ZDHHC2: variants seen among roughly 807,000 people sequenced by gnomAD.
ZDHHC2 encodes the protein palmitoyltransferase ZDHHC2.
Under a neutral mutation model 55.6 loss-of-function variants are expected in ZDHHC2, and 51 were observed. The ratio of observed to expected loss-of-function variants is 0.92; its 90% CI spans 0.73 to 1.16. The LOEUF (loss-of-function observed/expected upper bound fraction) is 1.16. Ranked by LOEUF, ZDHHC2 falls within the 50% of genes most tolerant of loss-of-function variation. The pLI is 0.00. For synonymous variants in ZDHHC2, 199 were observed against 152.9 expected, an observed-to-expected ratio of 1.30 and a Z score of -2.22; for missense variants, 491 against 442.4, an observed-to-expected ratio of 1.11 and a Z score of -0.99.
At position 17,159,293 on chromosome 8, in the gene ZDHHC2, G is replaced by C. The variant is rs117592006; in HGVS notation, c.130+2440G>C. Among the ~76,000 whole-genome samples, 63 of 152,296 alleles carry C rather than the reference G, an allele frequency of 4.1e-4. 2 individuals carry two copies. In the East Asian group the frequency reaches 0.011, roughly 27 times the overall value. ...TCTTGGAAGTTGCCATTTACAAGCAGATTTTCCAAATTTCTTCCATAAAAC... is the reference window on the plus strand; with the variant it reads ...TCTTGGAAGTTGCCATTTACAAGCACATTTTCCAAATTTCTTCCATAAAAC... On this transcript the variant is annotated intron_variant, in intron 1 of 12. Transcript: ENST00000262096.
chr8:17,206,025 C>T (rs1807086750), intron 7 of ZDHHC2, among the ~76,000 whole-genome samples: 1 of 152,192 alleles, frequency 6.6e-6, no homozygotes, highest in Non-Finnish European at 1.5e-5. Context: ...TGCCCCCATG[C>T]CCATTCCCAG....
intron 1 of ZDHHC2, among the ~76,000 whole-genome samples, chr8:17,177,395 A>T (rs1466206146): frequency 6.6e-6 from 1 of 152,230 alleles, no homozygotes; most frequent in Non-Finnish European, 1.5e-5. Flanking sequence ...CAGGGGACAG[A>T]CTTTGTTGGG....
chr8:17,157,848 G>C (rs1441602863), intron 1 of ZDHHC2, among the ~76,000 whole-genome samples: 3 of 152,180 alleles, frequency 2.0e-5, no homozygotes. Flanking sequence ...CGAGGGAAAA[G>C]ATGAAATAGT....
intron 1 of ZDHHC2, among the ~76,000 whole-genome samples, chr8:17,162,071 T>G (rs1372736127): frequency 6.6e-6 from 1 of 152,146 alleles, no homozygotes; most frequent in East Asian, 1.9e-4. Flanking sequence ...CCATTTTACT[T>G]TAATATAAAT....
chr8:17,218,560 A>G (rs1807755822), intron 12 of ZDHHC2, among the ~76,000 whole-genome samples: 1 of 152,188 alleles, frequency 6.6e-6, no homozygotes, highest in Non-Finnish European at 1.5e-5. Context: ...TATTGTGGTT[A>G]TTTATCTCCA....
intron 3 of ZDHHC2, among the ~76,000 whole-genome samples, chr8:17,192,203 C>G (rs1806070811): frequency 6.6e-6 from 1 of 152,104 alleles, no homozygotes; most frequent in Admixed American, 6.5e-5. Context: ...CTAGGCTGGC[C>G]TCAGACTCCT....
chr8:17,200,047 G>C (rs1806666795), intron 6 of ZDHHC2, among the ~76,000 whole-genome samples: 1 of 152,138 alleles, frequency 6.6e-6, no homozygotes, highest in Admixed American at 6.5e-5. Flanking sequence ...GAGCCACCAT[G>C]CCTGGCCAAC....
intron 1 of ZDHHC2, among the ~76,000 whole-genome samples, chr8:17,183,908 T>TA (rs1339774676): frequency 6.6e-6 from 1 of 152,058 alleles, no homozygotes; most frequent in Non-Finnish European, 1.5e-5. Flanking sequence ...TGAGCAATCT[T>TA]AAAAATTTCT....
chr8:17,193,625 G>T (rs1001074460), intron 3 of ZDHHC2, among the ~76,000 whole-genome samples: 1 of 152,234 alleles, frequency 6.6e-6, no homozygotes, highest in African/African-American at 2.4e-5. Flanking sequence ...TCCCTTCAGG[G>T]TAGAGAGTTT....
In ZDHHC2 at chr8:17,222,288, G is replaced by C. The variant is rs1807958039; in HGVS notation, c.*2067G>C. On this transcript the variant is annotated 3_prime_UTR_variant, in exon 13 of 13. Coordinates refer to ENST00000262096, the MANE Select transcript of ZDHHC2 (RefSeq NM_016353.5). ...TTTTGTTTTGTTTTGAATTATAGGA[G>C]TTATAATCTTTGGAGATGATTGCAT... The C allele has an allele frequency of 6.6e-6, 1 of 151,518 alleles. No homozygotes were observed. The highest frequency in any genetic ancestry group is 1.5e-5 in the Non-Finnish European group (1 of 67,730). The allele number at this position is 151,518 out of a possible 1,614,324, so 9.4% of individuals were successfully genotyped here.
chr8:17,193,472 G>T (rs937582532), intron 3 of ZDHHC2, among the ~76,000 whole-genome samples: 23 of 152,228 alleles, frequency 1.5e-4, no homozygotes, highest in African/African-American at 5.5e-4. Context: ...CTGGGACTGT[G>T]CTCAGTCAGA....
At chr8:17,191,297 A>G (rs1355164267) in intron 3 of ZDHHC2, among the ~76,000 whole-genome samples, 2 of 152,112 alleles carry the variant, frequency 1.3e-5, no homozygotes, top group Non-Finnish European at 2.9e-5. Context: ...GGGTTTCGCC[A>G]TGTTGGCCAG....
At chr8:17,192,652 C>CT (rs1806093227) in intron 3 of ZDHHC2, among the ~76,000 whole-genome samples, 1 of 152,144 alleles carries the variant, frequency 6.6e-6, no homozygotes, top group South Asian at 2.1e-4. Context: ...TCCACTTTTG[C>CT]TTTGGTTGCC....
intron 1 of ZDHHC2, among the ~76,000 whole-genome samples, chr8:17,174,312 A>G (rs907304007): frequency 6.6e-6 from 1 of 152,182 alleles, no homozygotes; most frequent in Non-Finnish European, 1.5e-5. Context: ...AAATGTGAGA[A>G]CATAGATTTC....
intron 1 of ZDHHC2, among the ~76,000 whole-genome samples, chr8:17,162,615 C>T (rs1804403560): frequency 6.6e-6 from 1 of 152,092 alleles, no homozygotes; most frequent in Non-Finnish European, 1.5e-5. Context: ...CATTTCCCGC[C>T]ACAGAAATGA....
intron 1 of ZDHHC2, among the ~76,000 whole-genome samples, chr8:17,170,350 A>C (rs898684820): frequency 6.6e-6 from 1 of 152,178 alleles, no homozygotes; most frequent in African/African-American, 2.4e-5. Flanking sequence ...TGTTGGTTTA[A>C]ATATTTGATT....
At chr8:17,201,643 C>G (rs1806776886) in intron 6 of ZDHHC2, among the ~76,000 whole-genome samples, 1 of 148,188 alleles carries the variant, frequency 6.7e-6, no homozygotes, top group Non-Finnish European at 1.5e-5. Flanking sequence ...TAGGCGCCCA[C>G]CACTACGCCT....
chr8:17,156,699 C>G lies in ZDHHC2; in HGVS notation c.-25C>G, dbSNP rs1246319753. 10 of 1,384,118 alleles carry G rather than the reference C, an allele frequency of 7.2e-6. No individual in the cohort carries two copies. In the East Asian group the frequency reaches 3.0e-4, roughly 41 times the overall value. 85.7% of individuals were successfully genotyped at this position (1,384,118 alleles called of 1,614,324 possible). A position where few individuals can be genotyped will look rare whatever the true frequency, so the allele number is the denominator to read the frequency against. The stretch of plus-strand genomic sequence containing the variant: ...GCCAGGCCCGCGGGCGGCGGCGGAG[C>G]TGGGCAGGTGGATGCGGCTGGAAGA... On this transcript the variant is annotated 5_prime_UTR_variant, in exon 1 of 13. Transcript: ENST00000262096.
chr8:17,203,809 CTT>C lies in ZDHHC2; in HGVS notation c.477-1830_477-1829del, dbSNP rs3041019. Among the ~76,000 whole-genome samples, 537 of 130,076 alleles carry C rather than the reference CTT, an allele frequency of 4.1e-3. 2 individuals carry two copies. Among genetic ancestry groups the C allele is most frequent in the Non-Finnish European group, 5.5e-3 (333 of 60,668 alleles). The allele number at this position is 130,076 out of a possible 152,430, so 85.3% of individuals were successfully genotyped here. On this transcript the variant is annotated intron_variant, in intron 6 of 12. Transcript: ENST00000262096. ...GCACAATTTGTGGCTTCTTTTTTTT[CTT>C]TTTTTTTTTTTTTTTGAGAGGAAGT...
Sources: allele counts gnomAD v4.1 joint callset (sites outside exome capture counted in the v4.1 genomes callset), GRCh38; gene constraint gnomAD v4.1.1; transcripts MANE v1.5; gene names NCBI Gene and HGNC (gene_info 2026-07-23, HGNC 2026-07-21).